LRRC2: variants seen among roughly 807,000 people sequenced by gnomAD.
The protein encoded by LRRC2 is leucine rich repeat containing 2.
A neutral mutation model predicts 40.2 loss-of-function variants in LRRC2; 27 were observed. That is an observed-to-expected ratio of 0.67 (90% CI 0.49 to 0.93). The LOEUF (loss-of-function observed/expected upper bound fraction) is 0.93. Among genes scored for constraint, LRRC2 ranks in the 40% least tolerant of loss-of-function variants. LRRC2 has a pLI of 0.00. For missense variants in LRRC2, 402 were observed against 439.6 expected (o/e 0.91, Z 0.76); for synonymous variants, 147 against 158.9 (o/e 0.92, Z 0.56).
intron 2 of LRRC2, among the ~76,000 whole-genome samples, chr3:46,546,821 C>T (rs530547967): frequency 9.1e-4 from 136 of 148,740 alleles, no homozygotes; most frequent in African/African-American, 3.2e-3. Flanking sequence ...CACGTTCAAG[C>T]GATTCTCCTG....
In LRRC2 at chr3:46,545,308, C is replaced by T. The variant is rs1704502549; in HGVS notation, c.126-55G>A. 3.3e-6 allele frequency: 5 copies of T among 1,532,394 alleles called. No homozygotes were observed. The South Asian group carries it at 3.5e-5, about 11-fold the overall frequency. The allele number at this position is 1,532,394 out of a possible 1,614,324, so 94.9% of individuals were successfully genotyped here. On this transcript the variant is annotated intron_variant, in intron 2 of 8. Coordinates refer to ENST00000395905, the MANE Select transcript of LRRC2 (RefSeq NM_024512.5). ...TCTCCTGGGGACTGGCCATCACCTGCCTAGAGAAGTGAGTCAGCCACCTGG... is the reference window on the plus strand; with the variant it reads ...TCTCCTGGGGACTGGCCATCACCTGTCTAGAGAAGTGAGTCAGCCACCTGG...
intron 1 of LRRC2, among the ~76,000 whole-genome samples, chr3:46,556,111 CTT>C (rs902382893): frequency 6.9e-6 from 1 of 144,940 alleles, no homozygotes; most frequent in East Asian, 2.0e-4. Context: ...TTGCTACTTT[CTT>C]TTTTTTTTTT....
At chr3:46,538,118 C>A (rs1330553506) in intron 4 of LRRC2, among the ~76,000 whole-genome samples, 1 of 152,182 alleles carries the variant, frequency 6.6e-6, no homozygotes, top group African/African-American at 2.4e-5. Flanking sequence ...CCAGAGGCTC[C>A]ACAAGCCACC....
intron 3 of LRRC2, among the ~76,000 whole-genome samples, chr3:46,544,720 G>A (rs1012710929): frequency 2.0e-5 from 3 of 152,236 alleles, no homozygotes; most frequent in Admixed American, 6.5e-5. Context: ...CTGCCAGGGC[G>A]TTAGTTGAAT....
chr3:46,546,558 C>A (rs1387031307), intron 2 of LRRC2, among the ~76,000 whole-genome samples: 2 of 152,144 alleles, frequency 1.3e-5, no homozygotes, highest in African/African-American at 4.8e-5. Context: ...AGGTATGTAC[C>A]TTTGACTTTG....
chr3:46,519,649 T>C (rs111865613), intron 8 of LRRC2, among the ~76,000 whole-genome samples: 1,698 of 152,290 alleles, frequency 0.011, 31 homozygotes, highest in African/African-American at 0.038. Flanking sequence ...TGGTCAGAAG[T>C]GTACTTTCTC....
intron 1 of LRRC2, among the ~76,000 whole-genome samples, chr3:46,554,831 G>A (rs534300854): frequency 4.9e-4 from 75 of 152,084 alleles, no homozygotes; most frequent in Admixed American, 1.3e-3. Context: ...GTTTTCCAAA[G>A]CAGCTACATC....
At chr3:46,529,597 A>T (rs1238309732) in intron 6 of LRRC2, among the ~76,000 whole-genome samples, 1 of 152,188 alleles carries the variant, frequency 6.6e-6, no homozygotes, top group African/African-American at 2.4e-5. Context: ...ATACTTAATA[A>T]ATTAACTTTT....
intron 1 of LRRC2, among the ~76,000 whole-genome samples, chr3:46,555,362 T>TG (rs1704769359): frequency 6.6e-6 from 1 of 152,176 alleles, no homozygotes; most frequent in African/African-American, 2.4e-5. Flanking sequence ...TACACTTACT[T>TG]GTATATTTGG....
chr3:46,551,255 G>A, intron 2 of LRRC2: 1 of 415,560 alleles, frequency 2.4e-6, no homozygotes. Context: ...CACAAGGGTG[G>A]TGGGTAGGTC....
intron 4 of LRRC2, among the ~76,000 whole-genome samples, chr3:46,538,413 G>A (rs1704311270): frequency 6.6e-6 from 1 of 152,080 alleles, no homozygotes; most frequent in Non-Finnish European, 1.5e-5. Context: ...GGCAGGCAGA[G>A]CACCTGAGGT....
At position 46,529,920 on chromosome 3, in the gene LRRC2, G is replaced by A. The variant is rs753497746; in HGVS notation, c.758C>T (p.Pro253Leu). ...DISSNNLTDLPQDIDRLEELQ... is the reference protein window; with the variant it reads ...DISSNNLTDLLQDIDRLEELQ... ...AAGTAGCTACCTGTCTATATCTTGC[G>A]GCAGGTCGGTCAGGTTATTGCTGCT... Residue 253 changes from proline to leucine, a missense_variant, in exon 6 of 9, where the codon CCG (proline) becomes CTG (leucine). Coordinates refer to ENST00000395905, the MANE Select transcript of LRRC2 (RefSeq NM_024512.5). 1.5e-5 allele frequency: 24 copies of A among 1,613,912 alleles called. No homozygotes were observed. The highest frequency in any genetic ancestry group is 5.5e-5 in the South Asian group (5 of 91,072).
intron 2 of LRRC2, among the ~76,000 whole-genome samples, chr3:46,549,101 GT>G (rs1559417747): frequency 6.6e-6 from 1 of 152,136 alleles, no homozygotes; most frequent in Non-Finnish European, 1.5e-5. Flanking sequence ...TACTTATAAT[GT>G]TTAAGTATCG....
intron 3 of LRRC2, among the ~76,000 whole-genome samples, chr3:46,542,319 G>A (rs1353939709): frequency 2.2e-5 from 3 of 138,292 alleles, no homozygotes; most frequent in Non-Finnish European, 4.7e-5. Flanking sequence ...ACCACAAAGT[G>A]AGACTCCATC....
chr3:46,541,089 T>A (rs1704376275), intron 3 of LRRC2, among the ~76,000 whole-genome samples: 1 of 152,054 alleles, frequency 6.6e-6, no homozygotes, highest in African/African-American at 2.4e-5. Context: ...ATCCCAGCAC[T>A]TTGGGAGGCC....
intron 1 of LRRC2, chr3:46,559,452 G>A (rs542809475): frequency 1.3e-5 from 2 of 152,252 alleles, no homozygotes; most frequent in South Asian, 2.1e-4. Flanking sequence ...CACAGGGCTC[G>A]TGTTCTCTAG....
chr3:46,519,142 A>T, intron 8 of LRRC2, 79 bp from the exon 9 acceptor site: 2 of 924,912 alleles, frequency 2.2e-6, no homozygotes, highest in Non-Finnish European at 3.6e-6. Flanking sequence ...GACATACATA[A>T]TGAATGTATG....
chr3:46,553,597 C>T (rs1559419613), intron 1 of LRRC2, among the ~76,000 whole-genome samples: 1 of 152,194 alleles, frequency 6.6e-6, no homozygotes, highest in Non-Finnish European at 1.5e-5. Context: ...AGGGGATCCT[C>T]CCATCTCAGC....
intron 2 of LRRC2, among the ~76,000 whole-genome samples, chr3:46,549,997 T>G (rs1000249839): frequency 1.3e-5 from 2 of 152,234 alleles, no homozygotes; most frequent in African/African-American, 4.8e-5. Context: ...AATTCTTTTT[T>G]GTTGTTTTTT....
Sources: gnomAD v4.1 joint callset for allele counts (sites outside exome capture counted in the v4.1 genomes callset) on GRCh38, gnomAD v4.1.1 for gene constraint, MANE v1.5 for transcripts, NCBI Gene and HGNC (gene_info 2026-07-23, HGNC 2026-07-21) for gene names.